Variants in NEK1 observed in about 807,000 individuals in gnomAD.
NEK1 encodes NIMA related kinase 1, also known as serine/threonine-protein kinase Nek1.
Under a neutral mutation model 182.1 loss-of-function variants are expected in NEK1, and 137 were observed. The ratio of observed to expected loss-of-function variants is 0.75; its 90% CI spans 0.65 to 0.87. The LOEUF is 0.87. Among genes scored for constraint, NEK1 ranks in the 40% least tolerant of loss-of-function variants. NEK1 has a pLI of 0.00. For missense variants in NEK1, 1,391 were observed against 1,494.4 expected, an observed-to-expected ratio of 0.93 and a Z score of 1.14; for synonymous variants, 513 against 492.2, an observed-to-expected ratio of 1.04 and a Z score of -0.56.
chr4:169,484,122 TTGAA>T (rs1284993942), intron 23 of NEK1, among the ~76,000 whole-genome samples: 1 of 152,222 alleles, frequency 6.6e-6, no homozygotes, highest in Non-Finnish European at 1.5e-5. Context: ...GAAATATACT[TTGAA>T]TGAACACATT....
intron 16 of NEK1, among the ~76,000 whole-genome samples, chr4:169,556,777 A>G (rs994521574): frequency 3.9e-5 from 6 of 152,106 alleles, no homozygotes; most frequent in African/African-American, 1.4e-4. Flanking sequence ...ATCCTTATTT[A>G]GAAAAAAGGC....
intron 2 of NEK1, among the ~76,000 whole-genome samples, chr4:169,607,587 C>T (rs1454713740): frequency 6.6e-6 from 1 of 151,998 alleles, no homozygotes; most frequent in Non-Finnish European, 1.5e-5. Flanking sequence ...CTCAGCCTCC[C>T]AAGTAGCTGG....
At chr4:169,492,069 A>G (rs1561284744) in intron 23 of NEK1, among the ~76,000 whole-genome samples, 1 of 152,230 alleles carries the variant, frequency 6.6e-6, no homozygotes, top group South Asian at 2.1e-4. Context: ...AGTAGACAAT[A>G]AGAGAAGAAG....
intron 2 of NEK1, among the ~76,000 whole-genome samples, chr4:169,607,879 C>T (rs938674014): frequency 6.6e-6 from 1 of 151,770 alleles, no homozygotes; most frequent in African/African-American, 2.4e-5. Flanking sequence ...GGATTACTAG[C>T]CTATAAAATG....
At chr4:169,404,458 C>T (rs771896964) in intron 32 of NEK1, among the ~76,000 whole-genome samples, 4 of 152,096 alleles carry the variant, frequency 2.6e-5, no homozygotes, top group Admixed American at 6.6e-5. Flanking sequence ...CCAGCGGCAT[C>T]GATCCTACGT....
chr4:169,531,494 C>T (rs1288063510), intron 19 of NEK1, among the ~76,000 whole-genome samples: 3 of 150,638 alleles, frequency 2.0e-5, no homozygotes, highest in Non-Finnish European at 3.0e-5. Flanking sequence ...ATTATGTATA[C>T]ATATATTATA....
At chr4:169,582,852 G>A (rs1337609451) in intron 10 of NEK1, among the ~76,000 whole-genome samples, 1 of 152,092 alleles carries the variant, frequency 6.6e-6, no homozygotes, top group Non-Finnish European at 1.5e-5. Context: ...GCTAGTGGCT[G>A]CAATATTGAA....
intron 3 of NEK1, 64 bp downstream of exon 3, chr4:169,602,450 T>G: frequency 1.2e-6 from 1 of 867,178 alleles, no homozygotes; most frequent in Non-Finnish European, 1.9e-6. Context: ...AAAGAAAATC[T>G]CTAACAATGA....
chr4:169,577,684 G>A (rs2150037505), intron 11 of NEK1, among the ~76,000 whole-genome samples: 1 of 152,158 alleles, frequency 6.6e-6, no homozygotes, highest in South Asian at 2.1e-4. Context: ...AACCCAGGAG[G>A]TGGAGCTTGC....
In NEK1 at chr4:169,473,730, C is replaced by T. The variant is rs557000878; in HGVS notation, c.2434+3394G>A. ...CAAAACACCATCTCTCCAAAAAATA[C>T]GAAAGAGAGAGAGAGAGAGGTCTAC... On this transcript the variant is annotated intron_variant, in intron 26 of 35. Transcript: ENST00000507142. Among the ~76,000 whole-genome samples the T allele has an allele frequency of 6.6e-5, 10 of 151,404 alleles. No individual in the cohort carries two copies. In the South Asian group the frequency reaches 8.3e-4, roughly 13 times the overall value.
At chr4:169,433,706 A>G in intron 28 of NEK1, 41 bp from the exon 29 acceptor site, 1 of 1,601,646 alleles carries the variant, frequency 6.2e-7, no homozygotes, top group Non-Finnish European at 8.5e-7. Context: ...TCAAAGCAAA[A>G]TTTGTCAAGA....
intron 27 of NEK1, among the ~76,000 whole-genome samples, chr4:169,439,075 T>C (rs1354467513): frequency 6.6e-6 from 1 of 152,336 alleles, no homozygotes; most frequent in East Asian, 1.9e-4. Flanking sequence ...TTCTGTCATC[T>C]CCATTAAAAT....
chr4:169,436,655 C>T (rs1400829895), intron 28 of NEK1, among the ~76,000 whole-genome samples: 1 of 152,172 alleles, frequency 6.6e-6, no homozygotes, highest in Admixed American at 6.5e-5. Context: ...AGGATGATTC[C>T]TTCTAGGCAA....
intron 12 of NEK1, among the ~76,000 whole-genome samples, chr4:169,572,868 T>C (rs1765089957): frequency 6.6e-6 from 1 of 152,178 alleles, no homozygotes; most frequent in Non-Finnish European, 1.5e-5. Flanking sequence ...TCATAACAGC[T>C]GTGACAAAGA....
chr4:169,504,915 G>A (rs1314201462), intron 23 of NEK1, among the ~76,000 whole-genome samples: 5 of 152,058 alleles, frequency 3.3e-5, no homozygotes, highest in Non-Finnish European at 7.4e-5. Flanking sequence ...AAATGCATGA[G>A]GTGATAGATA....
At chr4:169,527,395 T>C (rs1168374169) in intron 19 of NEK1, among the ~76,000 whole-genome samples, 2 of 152,170 alleles carry the variant, frequency 1.3e-5, no homozygotes. Context: ...AGTATTTGTA[T>C]AAATATAACA....
intron 19 of NEK1, among the ~76,000 whole-genome samples, chr4:169,524,930 T>C (rs1045022781): frequency 1.3e-5 from 2 of 152,204 alleles, no homozygotes; most frequent in African/African-American, 4.8e-5. Context: ...GTAGCTATGA[T>C]AGAGACCTTA....
chr4:169,463,824 A>G (rs1204713963), intron 26 of NEK1, among the ~76,000 whole-genome samples: 2 of 152,150 alleles, frequency 1.3e-5, no homozygotes, highest in Non-Finnish European at 2.9e-5. Context: ...TAAGAGATAG[A>G]GTCTCACTAT....
In NEK1 at chr4:169,424,555, T is replaced by C; in HGVS notation, c.3220A>G (p.Lys1074Glu). 1 of 1,588,552 alleles carries C rather than the reference T, an allele frequency of 6.3e-7. No individual in the cohort carries two copies. The highest frequency in any genetic ancestry group is 8.6e-7 in the Non-Finnish European group (1 of 1,163,062). ...STGLFDANNP[K>E]MLRTCSLPDL... The stretch of plus-strand genomic sequence containing the variant: ...TTCCACTTGAGGACCATACTTGCCT[T>C]TGGGTTGTTTGCATCAAACAGACCA... The change falls in exon 31 of 36, where the codon AAG becomes GAG. Residue 1074 changes from lysine to glutamate, a missense_variant and splice_region_variant. By Grantham distance (56) the Lys-to-Glu change is moderately conservative. This residue lies in a region of NEK1 where 1,216 missense variants were observed against 1,277.6 expected (regional missense o/e 0.95). Coordinates refer to ENST00000507142, the MANE Select transcript of NEK1 (RefSeq NM_001199397.3).
Sources: gnomAD v4.1 joint callset for allele counts (sites outside exome capture counted in the v4.1 genomes callset) on GRCh38, gnomAD v4.1.1 for gene constraint, gnomAD v4.1.1 regional missense constraint, MANE v1.5 for transcripts, NCBI Gene and HGNC (gene_info 2026-07-23, HGNC 2026-07-21) for gene names.